The following PCDHA9 variants were observed in gnomAD, a reference collection of about 807,000 sequenced individuals.
PCDHA9 encodes protocadherin alpha-9.
Under a neutral mutation model 62.0 loss-of-function variants are expected in PCDHA9, and 62 were observed. That is an observed-to-expected ratio of 1.00 (90% CI 0.81 to 1.23). PCDHA9 has a LOEUF of 1.23. Ranked by LOEUF, PCDHA9 falls within the 50% of genes most tolerant of loss-of-function variation. The probability of loss-of-function intolerance (pLI) is 0.00; values close to 1 mark genes in which losing one functional copy is unlikely to be tolerated. For missense variants in PCDHA9, 1,205 were observed against 1,249.8 expected, an observed-to-expected ratio of 0.96 and a Z score of 0.54; for synonymous variants, 557 against 567.6, an observed-to-expected ratio of 0.98 and a Z score of 0.27.
rs782773036 is a variant in PCDHA9 at position 140,870,430 on chromosome 5, G to T, written c.2394+19541G>T. 3 of 1,614,226 alleles carry T rather than the reference G, an allele frequency of 1.9e-6. No homozygotes were observed. In the African/African-American group the frequency reaches 4.0e-5, roughly 22 times the overall value. The stretch of plus-strand genomic sequence containing the variant: ...GTGGGCCACGGCCAGGGTATCCGTG[G>T]AGGTGGCCGACGTGAACGACAATGC... On this transcript the variant is annotated intron_variant, in intron 1 of 3. Transcript: ENST00000532602.
At chr5:140,919,110 C>T (rs1274257448) in intron 1 of PCDHA9, among the ~76,000 whole-genome samples, 3 of 152,118 alleles carry the variant, frequency 2.0e-5, no homozygotes, top group Non-Finnish European at 2.9e-5. Flanking sequence ...TTCATTTCTG[C>T]CAGTTTTTGC....
intron 1 of PCDHA9, chr5:140,867,619 C>G (rs1554161426): frequency 6.6e-6 from 1 of 152,174 alleles, no homozygotes; most frequent in African/African-American, 2.4e-5. Context: ...AACTATAGAA[C>G]AAAATATTTA....
Position 140,861,683 on chromosome 5 carries a change from C to G in PCDHA9, c.2394+10794C>G, listed in dbSNP as rs1386318519. ...GAGAGCTCTTGATTATCGTGTTTCA[C>G]TAGAGGGTGTCTGTGATGCCGACGT... On this transcript the variant is annotated intron_variant, in intron 1 of 3. Coordinates refer to ENST00000532602, the MANE Select transcript of PCDHA9 (RefSeq NM_031857.2). 2.1e-5 allele frequency: 5 copies of G among 233,410 alleles called. No homozygotes were observed. The East Asian group carries it at 3.6e-4, about 17-fold the overall frequency. 14.5% of individuals were successfully genotyped at this position (233,410 alleles called of 1,614,324 possible).
intron 1 of PCDHA9, among the ~76,000 whole-genome samples, chr5:140,961,632 A>G (rs373824042): frequency 7.9e-5 from 12 of 152,214 alleles, no homozygotes; most frequent in South Asian, 4.1e-4. Flanking sequence ...ATGAAAAACA[A>G]TCTTAAGTCT....
intron 1 of PCDHA9, chr5:140,929,668 A>G (rs1554207270): frequency 3.1e-6 from 1 of 324,518 alleles, no homozygotes; most frequent in East Asian, 5.3e-5. Flanking sequence ...AAAGTGAAGA[A>G]TGAAAAATAT....
intron 1 of PCDHA9, among the ~76,000 whole-genome samples, chr5:140,872,775 A>G (rs2053889520): frequency 1.3e-5 from 2 of 152,182 alleles, no homozygotes; most frequent in Non-Finnish European, 1.5e-5. Context: ...TATATTATCT[A>G]TAATATATGC....
At chr5:140,961,872 G>A (rs2095639337) in intron 1 of PCDHA9, among the ~76,000 whole-genome samples, 1 of 151,532 alleles carries the variant, frequency 6.6e-6, no homozygotes, top group Non-Finnish European at 1.5e-5. Flanking sequence ...ACAGATAATT[G>A]ACTTACTTAC....
chr5:140,891,637 G>A (rs1245368138), intron 1 of PCDHA9, among the ~76,000 whole-genome samples: 1 of 151,912 alleles, frequency 6.6e-6, no homozygotes, highest in East Asian at 1.9e-4. Context: ...TGCTCTTTGG[G>A]CTTTATTGTG....
rs2150461190 is a variant in PCDHA9, at chr5:140,849,977, G to T, written c.1482G>T (p.Leu494=). The T allele has an allele frequency of 9.4e-6, 15 of 1,597,540 alleles. No individual in the cohort carries two copies. The highest frequency in any genetic ancestry group is 4.5e-5 in the East Asian group (2 of 44,866). ...AQENALVSYS[L]VERRLGERSL... ...AGAACGCCCTGGTGTCCTACTCGCT[G>T]GTGGAGCGGCGGTTGGGCGAGCGCT... The change falls in exon 1 of 4, where the codon CTG becomes CTT. Residue 494 remains leucine (L), a synonymous_variant. Transcript: ENST00000532602.
intron 3 of PCDHA9, among the ~76,000 whole-genome samples, chr5:140,992,691 G>A (rs373170347): frequency 9.3e-4 from 142 of 152,244 alleles, no homozygotes; most frequent in Middle Eastern, 3.4e-3. Context: ...GGGTTGAGGG[G>A]TGGGTAATGT....
intron 1 of PCDHA9, chr5:140,882,333 C>T (rs1052199425): frequency 3.8e-5 from 61 of 1,614,102 alleles, no homozygotes; most frequent in Non-Finnish European, 5.0e-5. Flanking sequence ...CTGATCCTCG[C>T]AGCCTGGGAG....
intron 1 of PCDHA9, 157 bp downstream of exon 1, chr5:140,851,046 C>A: frequency 7.2e-7 from 1 of 1,389,024 alleles, no homozygotes; most frequent in Non-Finnish European, 9.4e-7. Context: ...TTGGAGCCGA[C>A]TTTGTCTTGA....
intron 1 of PCDHA9, among the ~76,000 whole-genome samples, chr5:140,951,209 A>C (rs1302279809): frequency 6.6e-6 from 1 of 151,904 alleles, no homozygotes; most frequent in Non-Finnish European, 1.5e-5. Context: ...GTGTCATCTC[A>C]GGTTTGGATT....
intron 1 of PCDHA9, chr5:140,884,122 G>A (rs1212118784): frequency 6.2e-7 from 1 of 1,613,306 alleles, no homozygotes; most frequent in East Asian, 2.2e-5. Flanking sequence ...CGGTCGGCGC[G>A]CGCATCCCGT....
chr5:140,953,992 G>A (rs1210096728), intron 1 of PCDHA9, among the ~76,000 whole-genome samples: 3 of 152,034 alleles, frequency 2.0e-5, no homozygotes, highest in Non-Finnish European at 2.9e-5. Context: ...ATTTTCATGT[G>A]TACTCATCAT....
intron 1 of PCDHA9, among the ~76,000 whole-genome samples, chr5:140,970,255 A>G (rs155806): frequency 0.089 from 13,563 of 152,250 alleles, 783 homozygotes; most frequent in Middle Eastern, 0.22. Context: ...GACAGTTTCT[A>G]TGGTTTTGAT....
intron 3 of PCDHA9, among the ~76,000 whole-genome samples, chr5:140,984,830 T>C (rs2097123075): frequency 6.6e-6 from 1 of 152,220 alleles, no homozygotes; most frequent in South Asian, 2.1e-4. Context: ...TTACCCTTTC[T>C]GTAAATTGGG....
chr5:140,884,820 T>C (rs1318105542), intron 1 of PCDHA9: 4 of 1,013,184 alleles, frequency 3.9e-6, no homozygotes, highest in African/African-American at 3.3e-5. Context: ...GTGGACATTA[T>C]GTGTTGGATT....
At chr5:140,858,581 T>A in intron 1 of PCDHA9, 1 of 1,350,098 alleles carries the variant, frequency 7.4e-7, no homozygotes, top group Non-Finnish European at 1.0e-6. Flanking sequence ...CTTTGTAATA[T>A]AATTTATTCC....
Sources: allele counts gnomAD v4.1 joint callset (sites outside exome capture counted in the v4.1 genomes callset), GRCh38; gene constraint gnomAD v4.1.1; transcripts MANE v1.5; gene names NCBI Gene and HGNC (gene_info 2026-07-23, HGNC 2026-07-21).